Variants in MCF2L2 observed in about 807,000 individuals in gnomAD.
MCF2L2 encodes probable guanine nucleotide exchange factor MCF2L2.
In MCF2L2, 102 loss-of-function variants were observed where a neutral mutation model predicts 150.2. That is an observed-to-expected ratio of 0.68 (90% CI 0.58 to 0.80). The LOEUF is 0.80. MCF2L2 is among the 30% of genes least tolerant of loss of function. MCF2L2 has a pLI of 0.00. For missense variants in MCF2L2, 1,256 were observed against 1,372.8 expected, an observed-to-expected ratio of 0.91 and a Z score of 1.34; for synonymous variants, 465 against 491.3, an observed-to-expected ratio of 0.95 and a Z score of 0.71.
chr3:183,317,390 A>G (rs1729644631), intron 7 of MCF2L2, among the ~76,000 whole-genome samples: 1 of 152,044 alleles, frequency 6.6e-6, no homozygotes, highest in Non-Finnish European at 1.5e-5. Context: ...AGGTGCCAAC[A>G]CTCATCCAGG....
At chr3:183,304,375 C>T (rs6780516) in intron 10 of MCF2L2, among the ~76,000 whole-genome samples, 4,088 of 151,966 alleles carry the variant, frequency 0.027, 177 homozygotes, top group African/African-American at 0.093. Context: ...CAAAAATACC[C>T]AGAACACTTG....
chr3:183,207,094 G>T (rs1722521010), intron 23 of MCF2L2, among the ~76,000 whole-genome samples: 1 of 152,106 alleles, frequency 6.6e-6, no homozygotes, highest in Non-Finnish European at 1.5e-5. Flanking sequence ...ATATATGGGT[G>T]TGGCTCCTGT....
At position 183,368,581 on chromosome 3, in the gene MCF2L2, T is replaced by C. The variant is rs188393734; in HGVS notation, c.275+10716A>G. On this transcript the variant is annotated intron_variant, in intron 3 of 29. Coordinates refer to ENST00000328913, the MANE Select transcript of MCF2L2 (RefSeq NM_015078.4). ...GAGTTCGAGACCAGCCTGGCCAACATGGTGAAACTCCATCTCTACTAAAAA... is the reference window on the plus strand; with the variant it reads ...GAGTTCGAGACCAGCCTGGCCAACACGGTGAAACTCCATCTCTACTAAAAA... 3.5e-4 allele frequency among the ~76,000 whole-genome samples: 54 copies of C among 152,164 alleles called. No individual in the cohort carries two copies. In the East Asian group the frequency reaches 4.3e-3, roughly 12 times the overall value.
chr3:183,322,503 G>A (rs1196411466), intron 6 of MCF2L2, among the ~76,000 whole-genome samples: 1 of 152,182 alleles, frequency 6.6e-6, no homozygotes, highest in African/African-American at 2.4e-5. Flanking sequence ...AAATGTAGGA[G>A]GCAGGCAAAA....
At position 183,206,271 on chromosome 3, in the gene MCF2L2, G is replaced by C. The variant is rs113263806; in HGVS notation, c.2713-57C>G. 1,963 of 1,229,076 alleles carry C rather than the reference G, an allele frequency of 1.6e-3. 22 individuals carry two copies. In the African/African-American group the frequency reaches 0.025, roughly 16 times the overall value. The allele number at this position is 1,229,076 out of a possible 1,614,324, so 76.1% of individuals were successfully genotyped here. On this transcript the variant is annotated intron_variant, in intron 23 of 29. Coordinates refer to ENST00000328913, the MANE Select transcript of MCF2L2 (RefSeq NM_015078.4). ...ACCATCGTTTTCTGATTTTAAAATA[G>C]TCCCTGTCAATCACTCTAATCCTTT...
chr3:183,179,728 T>C lies in MCF2L2; in HGVS notation c.3106-36A>G, dbSNP rs1189445220. 21 of 1,573,876 alleles carry C rather than the reference T, an allele frequency of 1.3e-5. No homozygotes were observed. The highest frequency in any genetic ancestry group is 1.8e-5 in the Non-Finnish European group (21 of 1,144,994). ...GGGGACGGGTGCACCCTCAGAGTTA[T>C]TGCTGGAGGCTGTGGCCAGACCGGG... On this transcript the variant is annotated intron_variant, in intron 28 of 29. Coordinates refer to ENST00000328913, the MANE Select transcript of MCF2L2 (RefSeq NM_015078.4). This position sits in a 1 kb window ranked among gnomAD's most constrained non-coding sequence, Gnocchi z 4.2.
At chr3:183,353,399 T>C (rs939791555) in intron 3 of MCF2L2, among the ~76,000 whole-genome samples, 2 of 152,158 alleles carry the variant, frequency 1.3e-5, no homozygotes, top group Admixed American at 1.3e-4. Flanking sequence ...CATCCAGTAA[T>C]GGGATGTATT....
At chr3:183,277,373 A>C (rs1727220433) in intron 14 of MCF2L2, among the ~76,000 whole-genome samples, 1 of 150,702 alleles carries the variant, frequency 6.6e-6, no homozygotes, top group Non-Finnish European at 1.5e-5. Context: ...CTTTCCCCTT[A>C]ATCATGAAGG....
chr3:183,392,263 A>G (rs1714197499), intron 1 of MCF2L2, among the ~76,000 whole-genome samples: 1 of 152,224 alleles, frequency 6.6e-6, no homozygotes, highest in Admixed American at 6.5e-5. Flanking sequence ...GAGAGATCCT[A>G]AACTTGCCTG....
At chr3:183,258,320 T>G (rs1010592389) in intron 15 of MCF2L2, 1 of 152,816 alleles carries the variant, frequency 6.5e-6, no homozygotes, top group African/African-American at 2.4e-5. Context: ...TCCCTTCTCC[T>G]TTTCTTTCTC....
At chr3:183,363,178 G>A (rs2136237) in intron 3 of MCF2L2, among the ~76,000 whole-genome samples, 38,542 of 152,036 alleles carry the variant, frequency 0.25, 6,333 homozygotes, top group African/African-American at 0.46. Context: ...AGGAACTCTC[G>A]TTCACTGCTG....
chr3:183,398,705 T>A (rs1714591451), intron 1 of MCF2L2, among the ~76,000 whole-genome samples: 1 of 152,208 alleles, frequency 6.6e-6, no homozygotes. Flanking sequence ...TCTAGTTTAA[T>A]TCCCCTAATC....
At chr3:183,337,552 C>CA (rs61184812) in intron 5 of MCF2L2, among the ~76,000 whole-genome samples, 6,909 of 71,524 alleles carry the variant, frequency 0.097, 435 homozygotes, top group East Asian at 0.24. Context: ...GACTCCATCT[C>CA]AAAAAAAAAA....
At chr3:183,411,704 T>C (rs902144384) in intron 1 of MCF2L2, among the ~76,000 whole-genome samples, 3 of 151,892 alleles carry the variant, frequency 2.0e-5, no homozygotes, top group African/African-American at 7.3e-5. Flanking sequence ...CAGGAAGCCC[T>C]GATAAGAGGC....
intron 22 of MCF2L2, among the ~76,000 whole-genome samples, chr3:183,213,583 A>G (rs866828120): frequency 6.6e-6 from 1 of 152,198 alleles, no homozygotes; most frequent in South Asian, 2.1e-4. Flanking sequence ...ACAGGTGATC[A>G]TAAACACCTG....
chr3:183,422,004 T>C (rs1715909806), intron 1 of MCF2L2, among the ~76,000 whole-genome samples: 1 of 152,248 alleles, frequency 6.6e-6, no homozygotes, highest in Non-Finnish European at 1.5e-5. Flanking sequence ...TATATCATAC[T>C]CAGCTGTTAA....
Position 183,263,204 on chromosome 3 carries a change from A to C in MCF2L2, c.1862+13668T>G, listed in dbSNP as rs1437777655. On this transcript the variant is annotated intron_variant, in intron 15 of 29. Coordinates refer to ENST00000328913, the MANE Select transcript of MCF2L2 (RefSeq NM_015078.4). ...AAGGTGTCTTGAGTGTTGGGAGATC[A>C]CATGATCAAAATGGTATACACACCA... 2.0e-5 allele frequency among the ~76,000 whole-genome samples: 3 copies of C among 152,172 alleles called. No homozygotes were observed. The South Asian group carries it at 6.2e-4, about 32-fold the overall frequency.
chr3:183,421,382 T>C (rs1715875092), intron 1 of MCF2L2, among the ~76,000 whole-genome samples: 1 of 152,240 alleles, frequency 6.6e-6, no homozygotes, highest in Non-Finnish European at 1.5e-5. Flanking sequence ...CTCTATCAAA[T>C]CTATCTTCAG....
At position 183,386,683 on chromosome 3, in the gene MCF2L2, T is replaced by A. The variant is rs117619222; in HGVS notation, c.160+3013A>T. Among the ~76,000 whole-genome samples the A allele has an allele frequency of 2.4e-4, 36 of 152,346 alleles. No individual in the cohort carries two copies. In the East Asian group the frequency reaches 6.7e-3, roughly 29 times the overall value. On this transcript the variant is annotated intron_variant, in intron 2 of 29. Transcript: ENST00000328913. ...TCAGGAAAAGGAAGCTGCTATGAGT[T>A]GAGGCTGAGGCTGCAGCTCTTAGGC... is the stretch of plus-strand genomic sequence containing the variant.
Sources: allele counts gnomAD v4.1 joint callset (sites outside exome capture counted in the v4.1 genomes callset), GRCh38; gene constraint gnomAD v4.1.1; non-coding constraint Gnocchi (gnomAD v3.1); transcripts MANE v1.5; gene names NCBI Gene and HGNC (gene_info 2026-07-23, HGNC 2026-07-21).